Variants in TRIOBP observed in about 807,000 individuals in gnomAD.
The protein encoded by TRIOBP is TRIO and F-actin-binding protein.
Under a neutral mutation model 238.8 loss-of-function variants are expected in TRIOBP, and 169 were observed. The observed-to-expected ratio is 0.71, with a 90% confidence interval of 0.62 to 0.80. TRIOBP has a LOEUF of 0.80. Among genes scored for constraint, TRIOBP ranks in the 30% least tolerant of loss-of-function variants. The pLI, the probability that TRIOBP is intolerant of heterozygous loss-of-function variation, is 0.00. For synonymous variants in TRIOBP, 1,150 were observed against 1,274.4 expected (o/e 0.90, Z 2.08); for missense variants, 2,838 against 3,122.6 (o/e 0.91, Z 2.17).
rs1428049897 is a variant in TRIOBP, at chr22:37,725,303, G to A, written c.2747G>A (p.Ser916Asn). 1.2e-6 allele frequency: 2 copies of A among 1,613,872 alleles called. No homozygotes were observed. The highest frequency in any genetic ancestry group is 1.1e-5 in the South Asian group (1 of 91,064). ...TCGTTTCCCCTCCGGCCAACTCAGA[G>A]TGATGGTCCCCGAACCTCTTCCCCA... ...WASFPLRPTQSDGPRTSSPSR... is the reference protein window; with the variant it reads ...WASFPLRPTQNDGPRTSSPSR... The change falls in exon 7 of 24, where the codon AGT becomes AAT. Residue 916 changes from serine to asparagine, a missense_variant. Around this residue, in one of 5 missense-constraint regions of TRIOBP, gnomAD observed 2,096 missense variants for 2,137.4 expected, o/e 0.98. Transcript: ENST00000644935.
rs748019442 is a variant in TRIOBP, at chr22:37,734,796, GCTGGGGGCAGCCAGAGGC to G, written c.4466_4483del (p.Gly1489_Trp1494del). 2.0e-5 allele frequency: 32 copies of G among 1,612,386 alleles called. No homozygotes were observed. In the South Asian group the frequency reaches 3.3e-4, roughly 17 times the overall value. On this transcript the variant is annotated inframe_deletion, in exon 9 of 24. Coordinates refer to ENST00000644935, the MANE Select transcript of TRIOBP (RefSeq NM_001039141.3). Reference sequence around the variant, plus strand: ...GGCACTTCCAGGGAGTACAAGGAGAGCTGGGGGCAGCCAGAGGCCTGGGAGGAGAAGCCCACTCATGAG... The same window carrying G: ...GGCACTTCCAGGGAGTACAAGGAGAGCTGGGAGGAGAAGCCCACTCATGAG...
chr22:37,697,574 A>C lies in TRIOBP; in HGVS notation c.-169-14A>C, dbSNP rs1009335297. 10 of 152,184 alleles carry C rather than the reference A, an allele frequency of 6.6e-5. No individual in the cohort carries two copies. The highest frequency in any genetic ancestry group is 2.4e-4 in the African/African-American group (10 of 41,398). 9.4% of individuals were successfully genotyped at this position (152,184 alleles called of 1,614,324 possible). ...CGTGCCTTGCTGTCGCCCCCACCGC[A>C]TTCCCTTCTCCAGGTCTGATGATGG... On this transcript the variant is annotated splice_polypyrimidine_tract_variant and intron_variant, in intron 1 of 23. Transcript: ENST00000644935.
At chr22:37,715,165 C>T (rs758971989) in intron 5 of TRIOBP, among the ~76,000 whole-genome samples, 1 of 152,114 alleles carries the variant, frequency 6.6e-6, no homozygotes, top group Admixed American at 6.5e-5. Context: ...CAGGCGCCCA[C>T]CACTATGCCT....
chr22:37,776,224 A>T lies in TRIOBP; in HGVS notation c.*2444A>T. The T allele has an allele frequency of 6.6e-6, 1 of 152,400 alleles. No individual in the cohort carries two copies. The highest frequency in any genetic ancestry group is 1.5e-5 in the Non-Finnish European group (1 of 68,072). The allele number at this position is 152,400 out of a possible 1,614,324, so 9.4% of individuals were successfully genotyped here. The stretch of plus-strand genomic sequence containing the variant: ...TCTGAAAGGTGCTCCACATCTCATT[A>T]AAAACCGTGAAATCGCACTGCCCCA... On this transcript the variant is annotated 3_prime_UTR_variant, in exon 24 of 24. Coordinates refer to ENST00000644935, the MANE Select transcript of TRIOBP (RefSeq NM_001039141.3).
rs1350370808 is a variant in TRIOBP at position 37,733,422 on chromosome 22, G to A, written c.4062+10G>A. The A allele has an allele frequency of 1.3e-6, 2 of 1,548,804 alleles. No homozygotes were observed. The highest frequency in any genetic ancestry group is 2.4e-5 in the East Asian group (1 of 40,908). ...TGCCCCCAGCAGGCAGGTGAGCACT[G>A]CCAGCTGTCTGGGGCCCCGCACCCC... is the stretch of plus-strand genomic sequence containing the variant. On this transcript the variant is annotated intron_variant, in intron 8 of 23. Coordinates refer to ENST00000644935, the MANE Select transcript of TRIOBP (RefSeq NM_001039141.3).
chr22:37,699,792 C>T (rs1243944473), intron 2 of TRIOBP, among the ~76,000 whole-genome samples: 7 of 152,068 alleles, frequency 4.6e-5, no homozygotes, highest in Non-Finnish European at 1.0e-4. Context: ...CTGCCCGCCT[C>T]GGCCTCCCAA....
At chr22:37,739,745 G>A (rs1485449210) in intron 10 of TRIOBP, among the ~76,000 whole-genome samples, 1 of 152,166 alleles carries the variant, frequency 6.6e-6, no homozygotes. Context: ...GGTCGCTAAA[G>A]GCGCTGCCAG....
intron 21 of TRIOBP, among the ~76,000 whole-genome samples, chr22:37,770,464 T>A (rs867981207): frequency 0.026 from 3,046 of 115,412 alleles, 111 homozygotes; most frequent in African/African-American, 0.089. Context: ...AAAAAAAAAA[T>A]ATTAAAAAAA....
chr22:37,700,002 C>A (rs1472233307), intron 2 of TRIOBP, among the ~76,000 whole-genome samples: 1 of 152,026 alleles, frequency 6.6e-6, no homozygotes, highest in Non-Finnish European at 1.5e-5. Context: ...CCTCAGCCTC[C>A]CAAGTAGCTG....
At chr22:37,749,124 G>A (rs1925435916) in intron 11 of TRIOBP, among the ~76,000 whole-genome samples, 1 of 152,252 alleles carries the variant, frequency 6.6e-6, no homozygotes, top group East Asian at 1.9e-4. Flanking sequence ...GGAGGCTGAG[G>A]TGGATGGATC....
At chr22:37,709,407 A>T (rs1923116269) in intron 3 of TRIOBP, among the ~76,000 whole-genome samples, 1 of 152,188 alleles carries the variant, frequency 6.6e-6, no homozygotes, top group Non-Finnish European at 1.5e-5. Flanking sequence ...AACTGTAATG[A>T]GGGGCCCCTG....
chr22:37,759,077 G>T, intron 16 of TRIOBP, 77 bp from the exon 17 acceptor site: 1 of 1,219,684 alleles, frequency 8.2e-7, no homozygotes. Context: ...GGAGCTGGAA[G>T]CCTGCGGGCT....
intron 15 of TRIOBP, among the ~76,000 whole-genome samples, 191 bp downstream of exon 15, chr22:37,755,850 T>C (rs1925891849): frequency 6.6e-6 from 1 of 152,204 alleles, no homozygotes; most frequent in African/African-American, 2.4e-5. Context: ...TTGATCTGTC[T>C]TCTCAAATGT....
intron 6 of TRIOBP, among the ~76,000 whole-genome samples, chr22:37,720,245 GTGATCCGC>G (rs1484540697): frequency 6.6e-6 from 1 of 151,944 alleles, no homozygotes; most frequent in Non-Finnish European, 1.5e-5. Context: ...CCGACCTCAG[GTGATCCGC>G]TGATCCGCCT....
chr22:37,752,470 C>T (rs1034919790), intron 12 of TRIOBP, among the ~76,000 whole-genome samples: 7 of 152,204 alleles, frequency 4.6e-5, no homozygotes, highest in Admixed American at 1.3e-4. Context: ...TCTGTTCTTT[C>T]GGCTGCCAGG....
intron 6 of TRIOBP, among the ~76,000 whole-genome samples, chr22:37,720,855 T>C (rs1158672431): frequency 6.6e-6 from 1 of 151,602 alleles, no homozygotes; most frequent in Non-Finnish European, 1.5e-5. Context: ...CACCAGCAAT[T>C]TTTTTTGTTT....
chr22:37,745,379 G>A (rs5756802), intron 11 of TRIOBP, among the ~76,000 whole-genome samples: 147,217 of 151,924 alleles, frequency 0.97, 71,365 homozygotes, highest in East Asian at 1. Flanking sequence ...ACCGAGAGGT[G>A]CCTTGCTTAA....
At chr22:37,705,539 A>G (rs1488136471) in intron 3 of TRIOBP, among the ~76,000 whole-genome samples, 1 of 151,938 alleles carries the variant, frequency 6.6e-6, no homozygotes, top group Admixed American at 6.6e-5. Context: ...CTTTGTGGAC[A>G]TGTTGAGGAC....
At chr22:37,754,272 A>G (rs1482905801) in intron 12 of TRIOBP, among the ~76,000 whole-genome samples, 1 of 152,050 alleles carries the variant, frequency 6.6e-6, no homozygotes, top group Non-Finnish European at 1.5e-5. Flanking sequence ...TTAGCTGAGC[A>G]TGATGGCGGG....
Sources: gnomAD v4.1 joint callset for allele counts (sites outside exome capture counted in the v4.1 genomes callset) on GRCh38, gnomAD v4.1.1 for gene constraint, gnomAD v4.1.1 regional missense constraint, MANE v1.5 for transcripts, NCBI Gene and HGNC (gene_info 2026-07-23, HGNC 2026-07-21) for gene names.